The following PCDHGA6 variants were observed in gnomAD, a reference collection of about 807,000 sequenced individuals.
PCDHGA6 encodes the protein protocadherin gamma-A6.
A neutral mutation model predicts 60.6 loss-of-function variants in PCDHGA6; 41 were observed. The ratio of observed to expected loss-of-function variants is 0.68; its 90% confidence interval spans 0.53 to 0.88. PCDHGA6 has a LOEUF of 0.88. Among genes scored for constraint, PCDHGA6 ranks in the 40% least tolerant of loss-of-function variants. The pLI is 0.00. For missense variants in PCDHGA6, 1,312 were observed against 1,203.0 expected, an observed-to-expected ratio of 1.09 and a Z score of -1.34; for synonymous variants, 594 against 524.4, an observed-to-expected ratio of 1.13 and a Z score of -1.81.
intron 1 of PCDHGA6, among the ~76,000 whole-genome samples, chr5:141,430,159 A>G (rs1324343997): frequency 6.6e-6 from 1 of 152,176 alleles, no homozygotes; most frequent in Non-Finnish European, 1.5e-5. Context: ...CAAGGAATCT[A>G]TTTAAAAATA....
Position 141,478,294 on chromosome 5 carries a change from A to G in PCDHGA6, c.2425-16513A>G, listed in dbSNP as rs147994096. The G allele has an allele frequency of 3.6e-3, 5,805 of 1,614,110 alleles. 30 individuals are homozygous for G. Among genetic ancestry groups the G allele is most frequent in the Non-Finnish European group, 3.4e-3 (4,026 of 1,180,032 alleles). The stretch of plus-strand genomic sequence containing the variant: ...ACAAGTGGAAGCAGTCTAGAGACCT[A>G]TACCGAGCCCCGGTGAGCTCACTGT... On this transcript the variant is annotated intron_variant, in intron 1 of 3. Coordinates refer to ENST00000517434, the MANE Select transcript of PCDHGA6 (RefSeq NM_018919.3).
intron 1 of PCDHGA6, chr5:141,377,922 C>A (rs1453139299): frequency 6.6e-6 from 1 of 152,166 alleles, no homozygotes; most frequent in East Asian, 1.9e-4. Context: ...TAAAAATCCA[C>A]CTGTAACTGC....
chr5:141,477,512 A>G lies in PCDHGA6; in HGVS notation c.2425-17295A>G. 1.9e-6 allele frequency: 3 copies of G among 1,614,156 alleles called. No homozygotes were observed. Among genetic ancestry groups the G allele is most frequent in the South Asian group, 2.2e-5 (2 of 91,072 alleles). ...TTCTCAATCTTCCTACGACGTTTAC[A>G]TTGAAGAAAACAACCTCCCCGGGGC... On this transcript the variant is annotated intron_variant, in intron 1 of 3. Transcript: ENST00000517434. This position sits in a 1 kb window ranked among gnomAD's most constrained non-coding sequence, Gnocchi z 4.9.
chr5:141,421,473 C>T (rs907282414), intron 1 of PCDHGA6: 10 of 1,613,994 alleles, frequency 6.2e-6, no homozygotes, highest in Middle Eastern at 1.6e-4. Context: ...ATCCGCGAAG[C>T]GGCAGCTTGA....
At chr5:141,502,866 C>CTTTTTTTT (rs549047197) in intron 2 of PCDHGA6, among the ~76,000 whole-genome samples, 38,988 of 127,080 alleles carry the variant, frequency 0.31, 7,978 homozygotes, top group African/African-American at 0.51. Flanking sequence ...GACTCTCTGT[C>CTTTTTTTT]TTTTTTTTTT....
rs1562157859 is a variant in PCDHGA6 at position 141,493,022 on chromosome 5, G to GTGCC, written c.2425-1784_2425-1781dup. Among the ~76,000 whole-genome samples, 2 of 152,222 alleles carry GTGCC rather than the reference G, an allele frequency of 1.3e-5. No homozygotes were observed. Among genetic ancestry groups the GTGCC allele is most frequent in the African/African-American group, 4.8e-5 (2 of 41,454 alleles). ...GCTATAGGCTCTGCCAGATGCCAGG[G>GTGCC]TGCCCTTATGTGTGAGGAAACTACA... On this transcript the variant is annotated intron_variant, in intron 1 of 3. Coordinates refer to ENST00000517434, the MANE Select transcript of PCDHGA6 (RefSeq NM_018919.3). The surrounding 1 kb of genome is among the most constrained non-coding windows in gnomAD (Gnocchi z 4.3).
At chr5:141,478,395 T>C in intron 1 of PCDHGA6, 1 of 1,613,510 alleles carries the variant, frequency 6.2e-7, no homozygotes, top group Non-Finnish European at 8.5e-7. Flanking sequence ...TACCATCAGG[T>C]GTATCTCACC....
chr5:141,410,440 G>A, intron 1 of PCDHGA6: 1 of 1,614,036 alleles, frequency 6.2e-7, no homozygotes, highest in Non-Finnish European at 8.5e-7. Context: ...ACAGTGAGGG[G>A]ACTTTGCCTT....
intron 2 of PCDHGA6, among the ~76,000 whole-genome samples, chr5:141,495,758 C>T (rs2099763543): frequency 6.6e-6 from 1 of 152,122 alleles, no homozygotes; most frequent in Non-Finnish European, 1.5e-5. Flanking sequence ...ATCTCTGCCT[C>T]CCTGTCCTTG....
chr5:141,432,415 G>A lies in PCDHGA6; in HGVS notation c.2424+55908G>A, dbSNP rs2097498934. The A allele has an allele frequency of 6.2e-7, 1 of 1,614,112 alleles. No homozygotes were observed. The highest frequency in any genetic ancestry group is 1.1e-5 in the South Asian group (1 of 91,092). On this transcript the variant is annotated intron_variant, in intron 1 of 3. Transcript: ENST00000517434. This position sits in a 1 kb window ranked among gnomAD's most constrained non-coding sequence, Gnocchi z 6.0. ...GCAACGTGTCGTTGAGCCTGTTCGT[G>A]CTGGACCAGAACGACAATGCGCCCG... is the stretch of plus-strand genomic sequence containing the variant.
At chr5:141,408,651 C>G (rs373860648) in intron 1 of PCDHGA6, 3 of 1,614,012 alleles carry the variant, frequency 1.9e-6, no homozygotes, top group South Asian at 1.1e-5. Context: ...TCCGCTGGTA[C>G]ACGACTATCG....
intron 1 of PCDHGA6, among the ~76,000 whole-genome samples, chr5:141,460,478 A>G (rs989135238): frequency 6.6e-5 from 10 of 152,136 alleles, no homozygotes; most frequent in African/African-American, 2.4e-4. Context: ...GGAATATCCA[A>G]TTGTCTCTTT....
At chr5:141,437,668 G>A (rs72790049) in intron 1 of PCDHGA6, among the ~76,000 whole-genome samples, 16,651 of 151,822 alleles carry the variant, frequency 0.11, 1,007 homozygotes, top group African/African-American at 0.17. Context: ...TCGAAGAGAT[G>A]TTGATCAAAC....
At chr5:141,405,582 C>T in intron 1 of PCDHGA6, 3 of 589,180 alleles carry the variant, frequency 5.1e-6, no homozygotes, top group African/African-American at 1.9e-5. Context: ...GTAGCTGGGA[C>T]TACAGGCCTC....
chr5:141,473,233 C>T (rs116489525), intron 1 of PCDHGA6, among the ~76,000 whole-genome samples: 1,684 of 152,238 alleles, frequency 0.011, 34 homozygotes, highest in African/African-American at 0.039. Flanking sequence ...ATTGGATCCA[C>T]ACAAGTGAAT....
At chr5:141,440,912 G>T (rs1281398967) in intron 1 of PCDHGA6, 1 of 152,254 alleles carries the variant, frequency 6.6e-6, no homozygotes, top group Admixed American at 6.5e-5. Context: ...GGGCACTCCT[G>T]TGCTGAGAGT....
intron 1 of PCDHGA6, among the ~76,000 whole-genome samples, chr5:141,452,375 G>A (rs1239059045): frequency 2.0e-5 from 3 of 152,194 alleles, no homozygotes; most frequent in African/African-American, 7.2e-5. Context: ...TTTTAGTAGG[G>A]AATAGTATTT....
At chr5:141,423,701 G>A in intron 1 of PCDHGA6, 1 of 1,312,668 alleles carries the variant, frequency 7.6e-7, no homozygotes, top group Non-Finnish European at 9.9e-7. Flanking sequence ...TGGTGTCTTG[G>A]CACAAGTCTT....
At chr5:141,421,564 G>C in intron 1 of PCDHGA6, 1 of 1,613,982 alleles carries the variant, frequency 6.2e-7, no homozygotes, top group Non-Finnish European at 8.5e-7. Context: ...TCTCGTGGAA[G>C]ACACCTTGAA....
Sources: gnomAD v4.1 joint callset for allele counts (sites outside exome capture counted in the v4.1 genomes callset) on GRCh38, gnomAD v4.1.1 for gene constraint, Gnocchi (gnomAD v3.1) non-coding constraint, MANE v1.5 for transcripts, NCBI Gene and HGNC (gene_info 2026-07-23, HGNC 2026-07-21) for gene names.